Variants in KIF1B observed in about 807,000 individuals in gnomAD.
KIF1B encodes the protein kinesin-like protein KIF1B.
Under a neutral mutation model 241.9 loss-of-function variants are expected in KIF1B, and 76 were observed. The observed-to-expected ratio is 0.31, with a 90% CI of 0.26 to 0.38. KIF1B has a LOEUF of 0.38. KIF1B is among the 10% of genes least tolerant of loss of function. The probability of loss-of-function intolerance (pLI) is 1.00; values close to 1 mark genes in which losing one functional copy is unlikely to be tolerated. For synonymous variants in KIF1B, 750 were observed against 796.7 expected, an observed-to-expected ratio of 0.94 and a Z score of 0.99; for missense variants, 1,622 against 2,271.4, an observed-to-expected ratio of 0.71 and a Z score of 5.81.
intron 22 of KIF1B, among the ~76,000 whole-genome samples, chr1:10,315,031 CAG>C (rs918419145): frequency 1.3e-5 from 2 of 150,372 alleles, no homozygotes; most frequent in Non-Finnish European, 2.9e-5. Context: ...ACATTTGAAA[CAG>C]AGAAGCTGAA....
intron 22 of KIF1B, chr1:10,305,401 A>G (rs900824335): frequency 1.9e-6 from 2 of 1,054,070 alleles, no homozygotes; most frequent in South Asian, 4.6e-5. Context: ...AGTTCAATGT[A>G]TCATTTGACA....
chr1:10,271,644 A>G (rs1648805646), intron 8 of KIF1B, 65 bp downstream of exon 8: 1 of 1,092,520 alleles, frequency 9.2e-7, no homozygotes, highest in Non-Finnish European at 1.4e-6. Flanking sequence ...TGTAAATAAA[A>G]TTTTATTGAA....
intron 14 of KIF1B, among the ~76,000 whole-genome samples, chr1:10,281,902 T>C (rs147919758): frequency 8.5e-5 from 13 of 152,348 alleles, no homozygotes; most frequent in African/African-American, 2.4e-4. Context: ...AAATGATCAT[T>C]GTTTTCCCTT....
rs1288392206 is a variant in KIF1B, at chr1:10,374,449, G to A, written c.5080G>A (p.Glu1694Lys). 1.2e-6 allele frequency: 2 copies of A among 1,614,228 alleles called. No individual in the cohort carries two copies. The highest frequency in any genetic ancestry group is 3.3e-5 in the Admixed American group (2 of 60,026). The change falls in exon 46 of 49, where the codon GAA (glutamate) becomes AAA (lysine). Residue 1694 changes from glutamate (E) to lysine (K), a missense_variant. By Grantham distance (56) the Glu-to-Lys change is moderately conservative (BLOSUM62 1). Around this residue, in one of 7 missense-constraint regions of KIF1B, gnomAD observed 357 missense variants for 409.0 expected, o/e 0.87. Coordinates refer to ENST00000676179, the MANE Select transcript of KIF1B (RefSeq NM_001365951.3). This position sits in a 1 kb window ranked among gnomAD's most constrained non-coding sequence, Gnocchi z 4.3. Reference sequence around the variant, plus strand: ...ATTTCTCAATCTTGTTCCAGATATTGAAGAAATTAGACCAAGGTGAGTACT... The same window carrying A: ...ATTTCTCAATCTTGTTCCAGATATTAAAGAAATTAGACCAAGGTGAGTACT... ...NEFLNLVPDI[E>K]EIRPSSVVSK...
At chr1:10,277,961 G>T in intron 12 of KIF1B, 25 bp from the exon 13 acceptor site, 1 of 1,609,106 alleles carries the variant, frequency 6.2e-7, no homozygotes, top group Non-Finnish European at 8.5e-7. Flanking sequence ...GAAATGACAA[G>T]AACAAATTTT....
At chr1:10,344,530 A>G (rs1652519959) in intron 34 of KIF1B, among the ~76,000 whole-genome samples, 1 of 152,002 alleles carries the variant, frequency 6.6e-6, no homozygotes, top group African/African-American at 2.4e-5. Context: ...ATTTGTTTTT[A>G]TGGATTCTTT....
Position 10,378,560 on chromosome 1 carries a change from C to T in KIF1B, c.*1973C>T. On this transcript the variant is annotated 3_prime_UTR_variant, in exon 49 of 49. Coordinates refer to ENST00000676179, the MANE Select transcript of KIF1B (RefSeq NM_001365951.3). ...TCAGGAAAGTATCTGCTCACTCCCA[C>T]TTGGTGAGTCCTCGGCCTTGAGGTT... 1.5e-6 allele frequency: 1 copy of T among 651,610 alleles called. No homozygotes were observed. Among genetic ancestry groups the T allele is most frequent in the East Asian group, 2.7e-5 (1 of 36,742 alleles). 40.4% of individuals were successfully genotyped at this position (651,610 alleles called of 1,614,324 possible).
At chr1:10,262,470 A>G (rs1648206110) in intron 5 of KIF1B, among the ~76,000 whole-genome samples, 1 of 152,140 alleles carries the variant, frequency 6.6e-6, no homozygotes, top group South Asian at 2.1e-4. Context: ...TTTGTTCATA[A>G]GTCTGTGCAT....
At chr1:10,221,436 C>T (rs759174651) in intron 1 of KIF1B, among the ~76,000 whole-genome samples, 3 of 152,052 alleles carry the variant, frequency 2.0e-5, no homozygotes, top group East Asian at 1.9e-4. Context: ...ACTTCCACAG[C>T]GTGGCCCATG....
In KIF1B at chr1:10,361,017, T is replaced by C; in HGVS notation, c.4144T>C (p.Tyr1382His). The C allele has an allele frequency of 6.2e-7, 1 of 1,613,586 alleles. No homozygotes were observed. Among genetic ancestry groups the C allele is most frequent in the South Asian group, 1.1e-5 (1 of 91,074 alleles). ...NRVTPYGEKI[Y>H]MTLSAYLELD... ...AGTGACACCCTATGGAGAAAAGATCTACATGACCTTGTCGGCCTACCTAGA... is the reference window on the plus strand; with the variant it reads ...AGTGACACCCTATGGAGAAAAGATCCACATGACCTTGTCGGCCTACCTAGA... The change falls in exon 39 of 49, where the codon TAC becomes CAC. Residue 1382 changes from tyrosine to histidine, a missense_variant. Around this residue, in one of 7 missense-constraint regions of KIF1B, gnomAD observed 803 missense variants for 1,112.0 expected, o/e 0.72. Transcript: ENST00000676179.
intron 31 of KIF1B, among the ~76,000 whole-genome samples, chr1:10,338,711 G>A (rs1364361341): frequency 6.6e-6 from 1 of 152,240 alleles, no homozygotes; most frequent in Non-Finnish European, 1.5e-5. Context: ...TCTGTTGAAA[G>A]CAGCCTCAAA....
chr1:10,267,898 T>C (rs1350366584), intron 6 of KIF1B, among the ~76,000 whole-genome samples: 1 of 152,204 alleles, frequency 6.6e-6, no homozygotes, highest in Non-Finnish European at 1.5e-5. Context: ...ATTAAATGCT[T>C]CATTGGTTTC....
In KIF1B at chr1:10,371,205, C is replaced by T. The variant is rs763910796; in HGVS notation, c.4889C>T (p.Thr1630Ile). ...TCCAGTTTCAGCAGTGCCACCCTCA[C>T]TCCCTCCTCCACCTGTCCCTCTCTG... ...SESSFSSATL[T>I]PSSTCPSLVD... The change falls in exon 45 of 49, where the codon ACT becomes ATT. Residue 1630 changes from threonine to isoleucine, a missense_variant. Physicochemically the swap from Thr to Ile is moderately conservative, Grantham distance 89 (BLOSUM62 -1). Coordinates refer to ENST00000676179, the MANE Select transcript of KIF1B (RefSeq NM_001365951.3). 1 of 1,614,074 alleles carries T rather than the reference C, an allele frequency of 6.2e-7. No homozygotes were observed. The highest frequency in any genetic ancestry group is 8.5e-7 in the Non-Finnish European group (1 of 1,179,942).
At chr1:10,265,912 G>C (rs568435957) in intron 5 of KIF1B, among the ~76,000 whole-genome samples, 19 of 152,148 alleles carry the variant, frequency 1.2e-4, no homozygotes, top group South Asian at 1.0e-3. Flanking sequence ...GAAAGAAAAA[G>C]GCAATAGAAA....
rs200858074 is a variant in KIF1B, at chr1:10,326,162, C to T, written c.2727C>T (p.Pro909=). The T allele has an allele frequency of 3.2e-5, 52 of 1,614,140 alleles. 1 individual carries two copies. The Middle Eastern group carries it at 4.9e-4, about 15-fold the overall frequency. Residue 909 remains proline (P), a synonymous_variant, in exon 27 of 49, where the codon CCC becomes CCT. Transcript: ENST00000676179. This position sits in a 1 kb window ranked among gnomAD's most constrained non-coding sequence, Gnocchi z 5.2. ...ACGAGCGCCTTGCCGACCGCACACC[C>T]TCCCCCACTTTTTCCACGGCCGATT... ...CVNERLADRT[P]SPTFSTADSD... is the part of the protein sequence containing the mutation.
chr1:10,307,313 T>A (rs1650877235), intron 22 of KIF1B: 1 of 1,010,958 alleles, frequency 9.9e-7, no homozygotes, highest in African/African-American at 1.7e-5. Context: ...GTTTTTTGTT[T>A]TTGTTATTGT....
intron 22 of KIF1B, among the ~76,000 whole-genome samples, chr1:10,319,646 C>G (rs1438164960): frequency 6.6e-6 from 1 of 151,996 alleles, no homozygotes; most frequent in Non-Finnish European, 1.5e-5. Context: ...TGAATTTAAT[C>G]TTTTTCAATA....
intron 2 of KIF1B, among the ~76,000 whole-genome samples, chr1:10,251,308 C>T (rs1569572801): frequency 6.7e-6 from 1 of 149,662 alleles, no homozygotes; most frequent in South Asian, 2.1e-4. Context: ...AGGAAGTTAA[C>T]TCATTGGTGT....
intron 27 of KIF1B, among the ~76,000 whole-genome samples, chr1:10,332,085 A>G (rs1247573084): frequency 6.7e-6 from 1 of 148,150 alleles, no homozygotes; most frequent in Non-Finnish European, 1.5e-5. Context: ...TTCTCTTGAG[A>G]CGAAGTCTTG....
Sources: allele counts gnomAD v4.1 joint callset (sites outside exome capture counted in the v4.1 genomes callset), GRCh38; gene constraint gnomAD v4.1.1; regional missense constraint gnomAD v4.1.1; non-coding constraint Gnocchi (gnomAD v3.1); transcripts MANE v1.5; gene names NCBI Gene and HGNC (gene_info 2026-07-23, HGNC 2026-07-21).